The following PDE4D variants were observed in gnomAD, a reference collection of about 807,000 sequenced individuals.
PDE4D encodes phosphodiesterase 4D, also known as 3',5'-cyclic-AMP phosphodiesterase 4D.
PDE4D carries 24 observed loss-of-function variants against 87.4 expected under a neutral mutation model. The ratio of observed to expected loss-of-function variants is 0.27; its 90% CI spans 0.20 to 0.39. The LOEUF is 0.39. Ranked by LOEUF, PDE4D falls within the 10% of genes least tolerant of loss-of-function variation. The pLI, the probability that PDE4D is intolerant of heterozygous loss-of-function variation, is 1.00. For synonymous variants in PDE4D, 384 were observed against 383.2 expected (o/e 1.00, Z -0.02); for missense variants, 714 against 1,041.0 (o/e 0.69, Z 4.32).
At chr5:59,512,697 A>G (rs1412727321) in intron 1 of PDE4D, among the ~76,000 whole-genome samples, 1 of 152,140 alleles carries the variant, frequency 6.6e-6, no homozygotes, top group African/African-American at 2.4e-5. Context: ...TGAAAAGATA[A>G]TATTAACTCA....
chr5:59,988,720 G>A (rs1178563157), intron 2 of PDE4D: 6 of 1,546,242 alleles, frequency 3.9e-6, no homozygotes, highest in Non-Finnish European at 5.3e-6. Flanking sequence ...TCAGAGGCCT[G>A]AGGTAATAAT....
intron 1 of PDE4D, among the ~76,000 whole-genome samples, chr5:60,356,143 C>T (rs1759599700): frequency 1.3e-5 from 2 of 152,154 alleles, no homozygotes; most frequent in South Asian, 2.1e-4. Context: ...ACCCCCAGAG[C>T]CGCGTGTCAG....
At chr5:60,070,985 C>G (rs188506251) in intron 2 of PDE4D, among the ~76,000 whole-genome samples, 2 of 151,864 alleles carry the variant, frequency 1.3e-5, no homozygotes, top group Non-Finnish European at 2.9e-5. Flanking sequence ...TCATAGTTAT[C>G]TCTTTTGATT....
At chr5:59,075,097 C>G (rs1237492893) in intron 5 of PDE4D, among the ~76,000 whole-genome samples, 1 of 149,974 alleles carries the variant, frequency 6.7e-6, no homozygotes, top group Non-Finnish European at 1.5e-5. Flanking sequence ...CACACACACA[C>G]ACACACACAC....
intron 1 of PDE4D, among the ~76,000 whole-genome samples, chr5:59,328,356 G>A (rs945522407): frequency 2.6e-5 from 4 of 152,112 alleles, no homozygotes; most frequent in African/African-American, 9.7e-5. Flanking sequence ...ATGAAACACT[G>A]GCACAATGTA....
intron 1 of PDE4D, among the ~76,000 whole-genome samples, chr5:59,371,307 T>A (rs190801739): frequency 8.7e-4 from 133 of 152,194 alleles, no homozygotes; most frequent in Admixed American, 4.7e-3. Context: ...AACAAGGGAG[T>A]GAAATAATAA....
chr5:60,071,689 C>T (rs571116635), intron 2 of PDE4D, among the ~76,000 whole-genome samples: 1 of 151,894 alleles, frequency 6.6e-6, no homozygotes, highest in South Asian at 2.1e-4. Context: ...ATTTTGTCAC[C>T]CAGTTGCTAA....
At chr5:59,512,387 T>C (rs934670814) in intron 1 of PDE4D, among the ~76,000 whole-genome samples, 1 of 152,186 alleles carries the variant, frequency 6.6e-6, no homozygotes, top group Non-Finnish European at 1.5e-5. Flanking sequence ...TCAATCAACG[T>C]GCTCTTTTCT....
chr5:60,093,021 A>C (rs550030489), intron 2 of PDE4D, among the ~76,000 whole-genome samples: 1 of 152,184 alleles, frequency 6.6e-6, no homozygotes, highest in South Asian at 2.1e-4. Flanking sequence ...CCAACAGCTT[A>C]CAAGTGGTTA....
At chr5:59,584,098 T>G (rs1235410645) in intron 1 of PDE4D, among the ~76,000 whole-genome samples, 1 of 152,200 alleles carries the variant, frequency 6.6e-6, no homozygotes, top group Admixed American at 6.5e-5. Context: ...GAGACCTTTA[T>G]TCTAAGCACG....
intron 1 of PDE4D, among the ~76,000 whole-genome samples, chr5:59,324,466 G>A (rs1224130202): frequency 1.3e-5 from 2 of 152,120 alleles, no homozygotes; most frequent in South Asian, 2.1e-4. Context: ...TTAAGACATC[G>A]GCATGTGAAA....
intron 1 of PDE4D, among the ~76,000 whole-genome samples, chr5:59,554,778 A>G (rs914573424): frequency 2.6e-5 from 4 of 152,194 alleles, no homozygotes; most frequent in Non-Finnish European, 4.4e-5. Context: ...ACTTGACAAT[A>G]GAGGCTTTAG....
chr5:60,082,761 C>T (rs1233221697), intron 2 of PDE4D, among the ~76,000 whole-genome samples: 1 of 152,196 alleles, frequency 6.6e-6, no homozygotes, highest in Non-Finnish European at 1.5e-5. Flanking sequence ...TGCTGCCACA[C>T]TGCCCTCTTG....
chr5:59,985,124 G>GTTTTCTTTTT lies in PDE4D; in HGVS notation c.272+3363_272+3364insAAAAAGAAAA, dbSNP rs1762290788. On this transcript the variant is annotated intron_variant, in intron 3 of 16. Transcript: ENST00000502484. The stretch of plus-strand genomic sequence containing the variant: ...AATATAAGCCCGAACTTCACCTTTC[G>GTTTTCTTTTT]TTTTTTGTTTTTTGTTTTTTGTTTT... 1.8e-5 allele frequency among the ~76,000 whole-genome samples: 2 copies of GTTTTCTTTTT among 111,268 alleles called. 1 individual carries two copies. Among genetic ancestry groups the GTTTTCTTTTT allele is most frequent in the Non-Finnish European group, 3.7e-5 (2 of 53,538 alleles). 73.0% of individuals were successfully genotyped at this position (111,268 alleles called of 152,430 possible).
chr5:59,015,501 C>G (rs1753780493), intron 6 of PDE4D, among the ~76,000 whole-genome samples: 1 of 151,986 alleles, frequency 6.6e-6, no homozygotes, highest in African/African-American at 2.4e-5. Flanking sequence ...GACATTTATG[C>G]AGCCAACAGA....
intron 1 of PDE4D, among the ~76,000 whole-genome samples, chr5:59,707,267 T>C (rs1307028111): frequency 6.6e-6 from 1 of 152,158 alleles, no homozygotes; most frequent in Non-Finnish European, 1.5e-5. Flanking sequence ...TTTATAACTC[T>C]TCGTGAATAA....
chr5:59,285,800 G>A (rs998002830), intron 1 of PDE4D, among the ~76,000 whole-genome samples: 1 of 152,088 alleles, frequency 6.6e-6, no homozygotes, highest in East Asian at 1.9e-4. Flanking sequence ...AGGACAATGG[G>A]GAGGGTGTTT....
At chr5:59,059,098 C>T (rs1762765093) in intron 5 of PDE4D, among the ~76,000 whole-genome samples, 1 of 152,090 alleles carries the variant, frequency 6.6e-6, no homozygotes. Flanking sequence ...TCAGCGGGTT[C>T]CTTTTACTAC....
At chr5:59,700,045 G>T (rs1452147554) in intron 1 of PDE4D, among the ~76,000 whole-genome samples, 1 of 152,066 alleles carries the variant, frequency 6.6e-6, no homozygotes, top group African/African-American at 2.4e-5. Flanking sequence ...CTGGTCTCCT[G>T]GGATCCCTGG....
Sources: allele counts gnomAD v4.1 joint callset (sites outside exome capture counted in the v4.1 genomes callset), GRCh38; gene constraint gnomAD v4.1.1; transcripts MANE v1.5; gene names NCBI Gene and HGNC (gene_info 2026-07-23, HGNC 2026-07-21).